The following KIAA1217 variants were observed in gnomAD, a reference collection of about 807,000 sequenced individuals.
KIAA1217 encodes the protein sickle tail protein homolog.
KIAA1217 carries 88 observed loss-of-function variants against 163.9 expected under a neutral mutation model. The ratio of observed to expected loss-of-function variants is 0.54; its 90% CI spans 0.45 to 0.64. The LOEUF (loss-of-function observed/expected upper bound fraction) is 0.64, where lower values mean the gene tolerates loss of function less well. Ranked by LOEUF, KIAA1217 falls within the 30% of genes least tolerant of loss-of-function variation. KIAA1217 has a pLI of 0.00. For synonymous variants in KIAA1217, 903 were observed against 923.1 expected, an observed-to-expected ratio of 0.98 and a Z score of 0.39; for missense variants, 2,372 against 2,475.0, an observed-to-expected ratio of 0.96 and a Z score of 0.88.
At chr10:24,326,950 A>G (rs924461405) in intron 2 of KIAA1217, among the ~76,000 whole-genome samples, 1 of 152,202 alleles carries the variant, frequency 6.6e-6, no homozygotes, top group African/African-American at 2.4e-5. Flanking sequence ...GTCTACATTG[A>G]GAGTGTTTTA....
At chr10:23,986,249 A>G (rs1040397025) in intron 1 of KIAA1217, among the ~76,000 whole-genome samples, 3 of 152,134 alleles carry the variant, frequency 2.0e-5, no homozygotes, top group African/African-American at 7.2e-5. Flanking sequence ...GAATTCTCTG[A>G]CTCTATGACC....
intron 1 of KIAA1217, among the ~76,000 whole-genome samples, chr10:23,996,255 C>G (rs1172931145): frequency 3.9e-5 from 6 of 152,306 alleles, no homozygotes; most frequent in Non-Finnish European, 7.3e-5. Context: ...CTTCAGGAAG[C>G]AGGAACCATG....
intron 8 of KIAA1217, among the ~76,000 whole-genome samples, chr10:24,498,932 G>A (rs2067161550): frequency 6.6e-6 from 1 of 152,202 alleles, no homozygotes; most frequent in African/African-American, 2.4e-5. Context: ...AGGGGAGGGA[G>A]GTACCTTGGT....
chr10:24,321,313 T>G (rs2044123023), intron 2 of KIAA1217, among the ~76,000 whole-genome samples: 1 of 151,994 alleles, frequency 6.6e-6, no homozygotes, highest in African/African-American at 2.4e-5. Flanking sequence ...GTGGGCATAA[T>G]GGATCACGTG....
At chr10:24,501,729 C>CT (rs71397953) in intron 9 of KIAA1217, among the ~76,000 whole-genome samples, 184 bp downstream of exon 9, 578 of 51,478 alleles carry the variant, frequency 0.011, 184 homozygotes, top group Non-Finnish European at 0.016. Context: ...ATAACCACTT[C>CT]TTTTTTTTTT....
intron 2 of KIAA1217, among the ~76,000 whole-genome samples, chr10:24,027,107 T>C (rs1301830209): frequency 3.3e-5 from 5 of 152,112 alleles, no homozygotes; most frequent in African/African-American, 1.2e-4. Context: ...TCTGTTGTTA[T>C]CAGAGAAAAT....
At chr10:24,122,413 T>A (rs771345841) in intron 2 of KIAA1217, among the ~76,000 whole-genome samples, 3 of 152,144 alleles carry the variant, frequency 2.0e-5, no homozygotes, top group Non-Finnish European at 2.9e-5. Context: ...GGCATCTAGG[T>A]TGATTCCATG....
chr10:24,275,207 C>G (rs1484970448), intron 2 of KIAA1217, among the ~76,000 whole-genome samples: 1 of 152,206 alleles, frequency 6.6e-6, no homozygotes, highest in African/African-American at 2.4e-5. Context: ...GTCTTGAACT[C>G]CTGTCACAAA....
At chr10:24,414,064 G>T (rs546810976) in intron 3 of KIAA1217, among the ~76,000 whole-genome samples, 2 of 152,176 alleles carry the variant, frequency 1.3e-5, no homozygotes, top group Non-Finnish European at 2.9e-5. Context: ...TTTTGTTTAA[G>T]TGTGAAGTTT....
intron 1 of KIAA1217, among the ~76,000 whole-genome samples, chr10:23,849,307 A>C (rs193163876): frequency 1.3e-5 from 2 of 152,262 alleles, no homozygotes; most frequent in Admixed American, 6.6e-5. Flanking sequence ...TTTTACTTAC[A>C]TAAGCAATCA....
chr10:24,418,837 TC>T (rs1446576625), intron 3 of KIAA1217, among the ~76,000 whole-genome samples: 1 of 152,082 alleles, frequency 6.6e-6, no homozygotes, highest in Non-Finnish European at 1.5e-5. Context: ...TTTTTTTTTT[TC>T]CTGGGGCCAT....
chr10:24,134,028 A>C (rs1266287390), intron 2 of KIAA1217, among the ~76,000 whole-genome samples: 1 of 152,186 alleles, frequency 6.6e-6, no homozygotes, highest in African/African-American at 2.4e-5. Flanking sequence ...GTACAATATG[A>C]TGTTTGCCTT....
At chr10:23,890,123 G>T (rs1253693699) in intron 1 of KIAA1217, among the ~76,000 whole-genome samples, 1 of 151,598 alleles carries the variant, frequency 6.6e-6, no homozygotes, top group Non-Finnish European at 1.5e-5. Flanking sequence ...TTGACTATAG[G>T]TTCAAATTCT....
At chr10:24,408,697 C>T (rs1227994938) in intron 3 of KIAA1217, among the ~76,000 whole-genome samples, 1 of 148,048 alleles carries the variant, frequency 6.8e-6, no homozygotes, top group Non-Finnish European at 1.5e-5. Flanking sequence ...TGTTCTTCTC[C>T]TAGATGTCTG....
At chr10:23,863,092 C>A (rs1012073) in intron 1 of KIAA1217, among the ~76,000 whole-genome samples, 9,932 of 152,060 alleles carry the variant, frequency 0.065, 1,077 homozygotes, top group African/African-American at 0.23. Context: ...TCATTTTGGC[C>A]CTGTTAGCTC....
intron 2 of KIAA1217, among the ~76,000 whole-genome samples, chr10:24,055,217 A>T (rs1209795081): frequency 1.3e-5 from 2 of 152,196 alleles, no homozygotes; most frequent in African/African-American, 4.8e-5. Context: ...CAGTCAGCTG[A>T]GAGGGTGCCA....
chr10:23,728,485 A>G (rs1369722998), intron 1 of KIAA1217, among the ~76,000 whole-genome samples: 1 of 146,910 alleles, frequency 6.8e-6, no homozygotes, highest in Admixed American at 6.8e-5. Flanking sequence ...GTCTGTTCAT[A>G]TCCTTTGCCC....
Position 24,240,123 on chromosome 10 carries a change from T to C in KIAA1217, c.354+20214T>C, listed in dbSNP as rs559064705. 5.9e-5 allele frequency among the ~76,000 whole-genome samples: 9 copies of C among 152,256 alleles called. No homozygotes were observed. The South Asian group carries it at 1.9e-3, about 32-fold the overall frequency. ...GCTGCCAGTGAGGATAAGTAAACAGTCTTGCCAGCCATTTGGATGTGATAG... is the reference window on the plus strand; with the variant it reads ...GCTGCCAGTGAGGATAAGTAAACAGCCTTGCCAGCCATTTGGATGTGATAG... On this transcript the variant is annotated intron_variant, in intron 2 of 20. Coordinates refer to ENST00000376454, the MANE Select transcript of KIAA1217 (RefSeq NM_019590.5).
intron 7 of KIAA1217, 49 bp from the exon 8 acceptor site, chr10:24,495,098 A>G: frequency 3.9e-6 from 6 of 1,525,068 alleles, no homozygotes; most frequent in Non-Finnish European, 5.4e-6. Flanking sequence ...AAAAAAAAAA[A>G]AAGGCATTTT....
Sources: allele counts gnomAD v4.1 joint callset (sites outside exome capture counted in the v4.1 genomes callset), GRCh38; gene constraint gnomAD v4.1.1; transcripts MANE v1.5; gene names NCBI Gene and HGNC (gene_info 2026-07-23, HGNC 2026-07-21).